The following ADAP1 variants were observed in gnomAD, a reference collection of about 807,000 sequenced individuals.
ADAP1 encodes the protein ArfGAP with dual PH domains 1.
In ADAP1, 31 loss-of-function variants were observed where a neutral mutation model predicts 54.9. The observed-to-expected ratio is 0.56, with a 90% confidence interval of 0.42 to 0.76. The LOEUF is 0.76. Ranked by LOEUF, ADAP1 falls within the 30% of genes least tolerant of loss-of-function variation. The pLI is 0.00. For missense variants in ADAP1, 535 were observed against 512.4 expected, an observed-to-expected ratio of 1.04 and a Z score of -0.42; for synonymous variants, 313 against 202.6, an observed-to-expected ratio of 1.55 and a Z score of -4.63.
intron 2 of ADAP1, among the ~76,000 whole-genome samples, chr7:934,910 G>A (rs918576134): frequency 1.3e-5 from 2 of 152,204 alleles, no homozygotes; most frequent in African/African-American, 4.8e-5. Flanking sequence ...CCAGGGGACA[G>A]GTAATGGTGC....
Position 905,438 on chromosome 7 carries a change from AG to A in ADAP1, c.389-267del, listed in dbSNP as rs77473805. The A allele has an allele frequency of 7.9e-4, 73 of 92,492 alleles. 7 individuals are homozygous for A. Among genetic ancestry groups the A allele is most frequent in the Middle Eastern group, 4.5e-3 (2 of 446 alleles). 5.7% of individuals were successfully genotyped at this position (92,492 alleles called of 1,614,324 possible). On this transcript the variant is annotated intron_variant, in intron 4 of 10. Transcript: ENST00000265846. ...GAGAAAGAGAAAGGAGAAAGGAGAA[AG>A]GGAGAAAGGGAGAAAGGGAAAGGAG...
chr7:900,855 G>T (rs1046115930), intron 6 of ADAP1: 1 of 610,756 alleles, frequency 1.6e-6, no homozygotes, highest in Admixed American at 2.3e-5. Flanking sequence ...CTCCCCCGGC[G>T]AAGTCCTGAG....
At chr7:949,702 A>G (rs1323885916) in intron 1 of ADAP1, among the ~76,000 whole-genome samples, 1 of 152,208 alleles carries the variant, frequency 6.6e-6, no homozygotes, top group Non-Finnish European at 1.5e-5. Flanking sequence ...GAGCCTGGCC[A>G]GGGCCTGGGC....
chr7:899,709 C>T (rs1008796633), intron 8 of ADAP1, among the ~76,000 whole-genome samples: 1 of 152,174 alleles, frequency 6.6e-6, no homozygotes, highest in Non-Finnish European at 1.5e-5. Context: ...GTCCCCCAGC[C>T]CTCCCTGGGC....
At chr7:918,138 G>A (rs1251877312) in intron 4 of ADAP1, among the ~76,000 whole-genome samples, 1 of 152,192 alleles carries the variant, frequency 6.6e-6, no homozygotes, top group Non-Finnish European at 1.5e-5. Context: ...ATGTTGGCCA[G>A]GCTGGCCTCA....
At chr7:916,659 C>T (rs1845944975) in intron 4 of ADAP1, among the ~76,000 whole-genome samples, 1 of 152,164 alleles carries the variant, frequency 6.6e-6, no homozygotes, top group African/African-American at 2.4e-5. Context: ...CTCTCTCCCT[C>T]ACACACACAG....
intron 2 of ADAP1, among the ~76,000 whole-genome samples, chr7:931,204 G>A (rs992735334): frequency 2.0e-5 from 3 of 152,116 alleles, no homozygotes; most frequent in Non-Finnish European, 4.4e-5. Flanking sequence ...GCCTGGCCAG[G>A]GTGGGGACGG....
At position 946,354 on chromosome 7, in the gene ADAP1, C is replaced by G. The variant is rs1166890026; in HGVS notation, c.82+8042G>C. 1.3e-5 allele frequency among the ~76,000 whole-genome samples: 2 copies of G among 152,310 alleles called. No homozygotes were observed. The highest frequency in any genetic ancestry group is 3.9e-4 in the East Asian group (2 of 5,178). On this transcript the variant is annotated intron_variant, in intron 1 of 10. Transcript: ENST00000265846. The surrounding 1 kb of genome is among the most constrained non-coding windows in gnomAD (Gnocchi z 4.3). ...CTGCCCAGGCCCCAGGCCCCCACCC[C>G]CTCACGCTCACGGGCGGCCCTGGTC...
intron 6 of ADAP1, among the ~76,000 whole-genome samples, chr7:901,575 A>G (rs1485555244): frequency 6.6e-6 from 1 of 151,914 alleles, no homozygotes; most frequent in Non-Finnish European, 1.5e-5. Context: ...GTGTAGCCCC[A>G]GGCTCCTCCC....
In ADAP1 at chr7:954,344, C is replaced by T. The variant is rs1170944804; in HGVS notation, c.82+52G>A. On this transcript the variant is annotated intron_variant, in intron 1 of 10. Coordinates refer to ENST00000265846, the MANE Select transcript of ADAP1 (RefSeq NM_006869.4). ...GCCCACCCAGGACCCGCCCGGCACC[C>T]CGCGCCCACCCCGGACCCACCCGGC... The T allele has an allele frequency of 1.2e-5, 12 of 1,011,388 alleles. No individual in the cohort carries two copies. The African/African-American group carries it at 1.9e-4, about 16-fold the overall frequency. The allele number at this position is 1,011,388 out of a possible 1,614,324, so 62.7% of individuals were successfully genotyped here.
At chr7:954,361 C>A in intron 1 of ADAP1, 35 bp downstream of exon 1, 1 of 1,036,412 alleles carries the variant, frequency 9.6e-7, no homozygotes, top group Non-Finnish European at 1.2e-6. Flanking sequence ...CACCCCGGAC[C>A]CACCCGGCCC....
At chr7:925,613 A>G (rs963739121) in intron 3 of ADAP1, among the ~76,000 whole-genome samples, 2 of 152,334 alleles carry the variant, frequency 1.3e-5, no homozygotes, top group East Asian at 3.9e-4. Context: ...CCCCCTGGTC[A>G]CTGCAGTCCC....
intron 4 of ADAP1, among the ~76,000 whole-genome samples, chr7:918,904 G>A (rs898636441): frequency 6.9e-6 from 1 of 144,268 alleles, no homozygotes; most frequent in Non-Finnish European, 1.5e-5. Flanking sequence ...GAGATGCCAG[G>A]AGAAGCAGGA....
chr7:920,501 G>A lies in ADAP1; in HGVS notation c.306-451C>T, dbSNP rs1218171043. ...GCCGCGGCGCCGCCCTCCACCCACC[G>A]TGCTGCCACCTTGCACCCCCCGTGC... On this transcript the variant is annotated intron_variant, in intron 3 of 10. Coordinates refer to ENST00000265846, the MANE Select transcript of ADAP1 (RefSeq NM_006869.4). This position sits in a 1 kb window ranked among gnomAD's most constrained non-coding sequence, Gnocchi z 4.5. Among the ~76,000 whole-genome samples the A allele has an allele frequency of 1.4e-5, 2 of 138,850 alleles. No homozygotes were observed. Among genetic ancestry groups the A allele is most frequent in the Non-Finnish European group, 3.1e-5 (2 of 64,780 alleles). 91.1% of individuals were successfully genotyped at this position (138,850 alleles called of 152,430 possible).
intron 1 of ADAP1, among the ~76,000 whole-genome samples, chr7:951,570 G>A (rs1220006340): frequency 6.7e-6 from 1 of 148,996 alleles, no homozygotes. Context: ...TCGAGAGACT[G>A]TCTTAAAAAA....
chr7:904,376 G>T, intron 5 of ADAP1, 104 bp from the exon 6 acceptor site: 1 of 1,434,054 alleles, frequency 7.0e-7, no homozygotes, highest in Non-Finnish European at 9.3e-7. Flanking sequence ...CTGCTGTGCT[G>T]TGTGGCTTTG....
In ADAP1 at chr7:936,332, C is replaced by T. The variant is rs550868448; in HGVS notation, c.83-827G>A. On this transcript the variant is annotated intron_variant, in intron 1 of 10. Transcript: ENST00000265846. ...TCTCCTGCCTTAGCCTCCCGAGTAG[C>T]GAGGCACGCACCACCATGCCCGGCT... 2.4e-4 allele frequency among the ~76,000 whole-genome samples: 36 copies of T among 152,242 alleles called. No homozygotes were observed. In the South Asian group the frequency reaches 7.5e-3, roughly 32 times the overall value.
At chr7:900,867 A>AGGGCCGAAGGGCCGAAGGGCC (rs1562906136) in intron 6 of ADAP1, 1 of 176,146 alleles carries the variant, frequency 5.7e-6, no homozygotes, top group African/African-American at 1.0e-4. Context: ...AGTCCTGAGA[A>AGGGCCGAAGGGCCGAAGGGCC]GGGCCGAAGG....
At position 920,764 on chromosome 7, in the gene ADAP1, C is replaced by G; in HGVS notation, c.306-714G>C. 6.5e-7 allele frequency: 1 copy of G among 1,546,360 alleles called. No homozygotes were observed. The highest frequency in any genetic ancestry group is 8.7e-7 in the Non-Finnish European group (1 of 1,144,222). On this transcript the variant is annotated intron_variant, in intron 3 of 10. Coordinates refer to ENST00000265846, the MANE Select transcript of ADAP1 (RefSeq NM_006869.4). This position sits in a 1 kb window ranked among gnomAD's most constrained non-coding sequence, Gnocchi z 4.5. ...TGCCCAGAGCCACCCACCACGGCCT[C>G]CCCATCCACCGTGACTCACTCGAGT...
Sources: gnomAD v4.1 joint callset for allele counts (sites outside exome capture counted in the v4.1 genomes callset) on GRCh38, gnomAD v4.1.1 for gene constraint, Gnocchi (gnomAD v3.1) non-coding constraint, MANE v1.5 for transcripts, NCBI Gene and HGNC (gene_info 2026-07-23, HGNC 2026-07-21) for gene names.